RBFOX1: variants seen among roughly 807,000 people sequenced by gnomAD.
RBFOX1 encodes RNA binding fox-1 homolog 1, also known as RNA binding protein fox-1 homolog 1.
In RBFOX1, 8 loss-of-function variants were observed where a neutral mutation model predicts 57.7. The ratio of observed to expected loss-of-function variants is 0.14; its 90% CI spans 0.08 to 0.25. The LOEUF (loss-of-function observed/expected upper bound fraction) is 0.25. Ranked by LOEUF, RBFOX1 falls within the 10% of genes least tolerant of loss-of-function variation. RBFOX1 has a pLI of 1.00. For missense variants in RBFOX1, 611 were observed against 548.5 expected, an observed-to-expected ratio of 1.11 and a Z score of -1.14; for synonymous variants, 326 against 222.4, an observed-to-expected ratio of 1.47 and a Z score of -4.15.
At chr16:6,323,117 G>C (rs2081998734) in intron 2 of RBFOX1, among the ~76,000 whole-genome samples, 3 of 152,314 alleles carry the variant, frequency 2.0e-5, no homozygotes, top group Middle Eastern at 6.8e-3. Context: ...AAGAGAGAGA[G>C]AAAGAGAAGG....
intron 3 of RBFOX1, among the ~76,000 whole-genome samples, chr16:6,756,525 G>C (rs888567571): frequency 5.9e-5 from 9 of 152,118 alleles, no homozygotes; most frequent in Admixed American, 1.3e-4. Flanking sequence ...GCAGCAAAGA[G>C]AGGATCTGTA....
In RBFOX1 at chr16:6,518,463, A is replaced by G. The variant is rs151255108; in HGVS notation, c.-63-136140A>G. Among the ~76,000 whole-genome samples, 1,338 of 152,198 alleles carry G rather than the reference A, an allele frequency of 8.8e-3. 29 individuals carry two copies. Among genetic ancestry groups the G allele is most frequent in the Admixed American group, 0.04 (616 of 15,286 alleles). On this transcript the variant is annotated intron_variant, in intron 2 of 15. Transcript: ENST00000550418. Reference sequence around the variant, plus strand: ...GTGTCATTTCAATTAATGTGCTTCTATTATACAGATGGGCACACTGAGAGT... The same window carrying G: ...GTGTCATTTCAATTAATGTGCTTCTGTTATACAGATGGGCACACTGAGAGT...
chr16:5,425,339 C>T (rs1348621739), intron 1 of RBFOX1, among the ~76,000 whole-genome samples: 1 of 152,094 alleles, frequency 6.6e-6, no homozygotes, highest in Non-Finnish European at 1.5e-5. Context: ...CTCCTGACCT[C>T]ATGATCCGCC....
intron 2 of RBFOX1, among the ~76,000 whole-genome samples, chr16:6,571,258 C>T (rs1600203051): frequency 6.6e-6 from 1 of 152,172 alleles, no homozygotes; most frequent in African/African-American, 2.4e-5. Context: ...CTGCTGCTCC[C>T]AGGGCTGAGG....
intron 3 of RBFOX1, among the ~76,000 whole-genome samples, chr16:6,678,780 G>T (rs985635392): frequency 6.6e-5 from 10 of 152,120 alleles, no homozygotes; most frequent in African/African-American, 2.4e-4. Context: ...AGCTTTGAAA[G>T]TTAATCACTT....
At chr16:7,704,959 G>C (rs540622529) in intron 14 of RBFOX1, among the ~76,000 whole-genome samples, 1 of 150,936 alleles carries the variant, frequency 6.6e-6, no homozygotes, top group Admixed American at 6.6e-5. Context: ...AGGCAGAATC[G>C]CTTGAACCCA....
At chr16:7,381,873 C>G (rs562122894) in intron 4 of RBFOX1, among the ~76,000 whole-genome samples, 1 of 152,278 alleles carries the variant, frequency 6.6e-6, no homozygotes, top group East Asian at 1.9e-4. Context: ...GGTGGCATCT[C>G]TAGCCTCTCC....
At chr16:6,585,270 T>C (rs1394946031) in intron 2 of RBFOX1, among the ~76,000 whole-genome samples, 1 of 152,176 alleles carries the variant, frequency 6.6e-6, no homozygotes, top group Non-Finnish European at 1.5e-5. Context: ...TATCGTCATG[T>C]AGGTGTGAAA....
intron 1 of RBFOX1, among the ~76,000 whole-genome samples, chr16:6,242,877 G>C (rs933489972): frequency 1.3e-5 from 2 of 151,994 alleles, no homozygotes; most frequent in African/African-American, 4.8e-5. Context: ...TTTAACCAAT[G>C]TTAAAACTTT....
At chr16:7,014,795 G>T (rs865990679) in intron 3 of RBFOX1, among the ~76,000 whole-genome samples, 18 of 152,122 alleles carry the variant, frequency 1.2e-4, no homozygotes, top group Admixed American at 7.2e-4. Flanking sequence ...CACTGTCTCG[G>T]CTCACTGCAA....
chr16:7,088,849 C>A (rs1353291749), intron 4 of RBFOX1, among the ~76,000 whole-genome samples: 1 of 152,184 alleles, frequency 6.6e-6, no homozygotes, highest in Non-Finnish European at 1.5e-5. Context: ...CAACCTCTGT[C>A]TTTCATCAGC....
At chr16:6,677,346 A>G (rs552147114) in intron 3 of RBFOX1, among the ~76,000 whole-genome samples, 1 of 152,198 alleles carries the variant, frequency 6.6e-6, no homozygotes, top group Admixed American at 6.5e-5. Context: ...ATATATCTCC[A>G]TAGATACAAA....
At chr16:7,656,078 G>C (rs572248308) in intron 12 of RBFOX1, among the ~76,000 whole-genome samples, 2 of 152,176 alleles carry the variant, frequency 1.3e-5, no homozygotes, top group African/African-American at 4.8e-5. Context: ...TATAGTGGTG[G>C]ATTGTACCTC....
intron 2 of RBFOX1, among the ~76,000 whole-genome samples, chr16:6,373,536 T>C (rs376169826): frequency 2.0e-5 from 3 of 151,866 alleles, no homozygotes; most frequent in African/African-American, 4.8e-5. Flanking sequence ...GGATAGTTCA[T>C]TGGGATCACA....
At chr16:6,804,873 AG>A (rs2086357346) in intron 3 of RBFOX1, among the ~76,000 whole-genome samples, 1 of 152,204 alleles carries the variant, frequency 6.6e-6, no homozygotes, top group South Asian at 2.1e-4. Context: ...ATTCTTAAAA[AG>A]GCCATGTGTC....
chr16:6,691,983 G>C lies in RBFOX1; in HGVS notation c.-16+37333G>C, dbSNP rs528402703. Among the ~76,000 whole-genome samples the C allele has an allele frequency of 3.3e-5, 5 of 152,234 alleles. 1 individual carries two copies. In the South Asian group the frequency reaches 1.0e-3, roughly 32 times the overall value. ...TTGAAGCTGGAAAAGTTAGGGACATGGATTTTTCCCCTACAGCTTTCAGAG... is the reference window on the plus strand; with the variant it reads ...TTGAAGCTGGAAAAGTTAGGGACATCGATTTTTCCCCTACAGCTTTCAGAG... On this transcript the variant is annotated intron_variant, in intron 3 of 15. Transcript: ENST00000550418.
At chr16:7,442,516 G>A (rs1259052992) in intron 4 of RBFOX1, among the ~76,000 whole-genome samples, 1 of 152,130 alleles carries the variant, frequency 6.6e-6, no homozygotes, top group East Asian at 1.9e-4. Context: ...TAAAAATGAG[G>A]AGGCCGCAAA....
intron 4 of RBFOX1, among the ~76,000 whole-genome samples, chr16:7,360,577 A>G (rs1358350879): frequency 6.6e-6 from 1 of 152,164 alleles, no homozygotes; most frequent in East Asian, 1.9e-4. Flanking sequence ...TAGGGAAGTG[A>G]GGTGTTTGAA....
intron 11 of RBFOX1, among the ~76,000 whole-genome samples, chr16:7,633,740 G>A (rs988849286): frequency 3.9e-5 from 6 of 152,282 alleles, no homozygotes; most frequent in East Asian, 1.9e-4. Context: ...AGGCAGAGGG[G>A]CCTTCAGTTA....
Sources: gnomAD v4.1 joint callset for allele counts (sites outside exome capture counted in the v4.1 genomes callset) on GRCh38, gnomAD v4.1.1 for gene constraint, MANE v1.5 for transcripts, NCBI Gene and HGNC (gene_info 2026-07-23, HGNC 2026-07-21) for gene names.